WDFY4: variants seen among roughly 807,000 people sequenced by gnomAD.
WDFY4 encodes the protein WDFY family member 4, also known as WD repeat- and FYVE domain-containing protein 4.
In WDFY4, 169 loss-of-function variants were observed where a neutral mutation model predicts 351.9. That is an observed-to-expected ratio of 0.48 (90% confidence interval 0.42 to 0.55). The LOEUF is 0.55. Among genes scored for constraint, WDFY4 ranks in the 20% least tolerant of loss-of-function variants. The pLI, the probability that WDFY4 is intolerant of heterozygous loss-of-function variation, is 0.00. For missense variants in WDFY4, 3,803 were observed against 3,935.6 expected, an observed-to-expected ratio of 0.97 and a Z score of 0.90; for synonymous variants, 1,622 against 1,574.6, an observed-to-expected ratio of 1.03 and a Z score of -0.71.
chr10:48,774,739 C>T, intron 14 of WDFY4, 67 bp downstream of exon 14: 3 of 1,523,276 alleles, frequency 2.0e-6, no homozygotes, highest in South Asian at 1.2e-5. Context: ...GCAGGGGTTG[C>T]ACAATGGGCA....
intron 61 of WDFY4, 40 bp downstream of exon 61, chr10:48,981,518 C>T (rs1257044754): frequency 2.6e-6 from 4 of 1,536,718 alleles, no homozygotes; most frequent in South Asian, 1.2e-5. Context: ...CAGCAGAGGG[C>T]ACTGCAGCCA....
At chr10:48,733,560 C>T (rs2064541235) in intron 9 of WDFY4, among the ~76,000 whole-genome samples, 1 of 152,226 alleles carries the variant, frequency 6.6e-6, no homozygotes, top group Non-Finnish European at 1.5e-5. Context: ...CTCTGTGTAT[C>T]ATCTGGGGCA....
chr10:48,804,611 A>T, intron 25 of WDFY4: 2 of 526,012 alleles, frequency 3.8e-6, no homozygotes, highest in Non-Finnish European at 4.9e-6. Flanking sequence ...ATCTGCCCAA[A>T]GTCACCCTCC....
chr10:48,692,691 A>T (rs1401805806), intron 1 of WDFY4, among the ~76,000 whole-genome samples: 1 of 152,198 alleles, frequency 6.6e-6, no homozygotes, highest in African/African-American at 2.4e-5. Context: ...TTGGGAATTA[A>T]TGCAGGCCAA....
At chr10:48,928,864 G>T (rs1839808855) in intron 47 of WDFY4, among the ~76,000 whole-genome samples, 1 of 152,222 alleles carries the variant, frequency 6.6e-6, no homozygotes, top group Non-Finnish European at 1.5e-5. Context: ...GCCCTTTGAA[G>T]TCATTCACTC....
intron 1 of WDFY4, among the ~76,000 whole-genome samples, chr10:48,709,003 C>T (rs1281311860): frequency 7.5e-6 from 1 of 133,424 alleles, no homozygotes; most frequent in Non-Finnish European, 1.6e-5. Context: ...AACAAACAAA[C>T]AACACCCCCC....
At chr10:48,887,554 G>A (rs1218935370) in intron 43 of WDFY4, among the ~76,000 whole-genome samples, 2 of 152,134 alleles carry the variant, frequency 1.3e-5, no homozygotes, top group Admixed American at 6.5e-5. Context: ...CAAGACGGGC[G>A]GATCACGAGG....
At chr10:48,708,730 C>A (rs1400264011) in intron 1 of WDFY4, among the ~76,000 whole-genome samples, 1 of 152,176 alleles carries the variant, frequency 6.6e-6, no homozygotes, top group African/African-American at 2.4e-5. Context: ...AGGTTCCCAA[C>A]TTGCAAACAC....
intron 56 of WDFY4, among the ~76,000 whole-genome samples, chr10:48,969,661 G>A (rs531161734): frequency 3.3e-5 from 5 of 152,194 alleles, no homozygotes; most frequent in Admixed American, 6.5e-5. Flanking sequence ...CCCAGCCCCC[G>A]TGTAGGCCAT....
At chr10:48,782,980 C>T (rs1332711197) in intron 19 of WDFY4, among the ~76,000 whole-genome samples, 2 of 152,100 alleles carry the variant, frequency 1.3e-5, no homozygotes, top group Non-Finnish European at 2.9e-5. Flanking sequence ...CCTGCGAGAA[C>T]AGAGAGATAA....
In WDFY4 at chr10:48,783,007, A is replaced by T. The variant is rs533226996; in HGVS notation, c.3576+2888A>T. ...GAGAGATAAGAGAGCACAGAAAATC[A>T]TACTCCTGGCAAGCCTTGATGGCTG... On this transcript the variant is annotated intron_variant, in intron 19 of 61. Coordinates refer to ENST00000325239, the MANE Select transcript of WDFY4 (RefSeq NM_001394531.1). 5.3e-4 allele frequency among the ~76,000 whole-genome samples: 80 copies of T among 152,274 alleles called. 1 individual carries two copies. The highest frequency in any genetic ancestry group is 3.9e-3 in the Admixed American group (60 of 15,296).
intron 47 of WDFY4, among the ~76,000 whole-genome samples, chr10:48,917,508 C>T (rs184695025): frequency 5.9e-5 from 9 of 152,294 alleles, no homozygotes; most frequent in Admixed American, 3.9e-4. Flanking sequence ...AGAACAATGA[C>T]GTATCACCCA....
In WDFY4 at chr10:48,969,260, G is replaced by GC. The variant is rs1296565998; in HGVS notation, c.8769+13dup. Reference sequence around the variant, plus strand: ...ACGGCTCCGACAAGGTGAGGGGGCTGCAGGGAGCAGGGGCAGCCTCAGGAC... The same window carrying GC: ...ACGGCTCCGACAAGGTGAGGGGGCTGCCAGGGAGCAGGGGCAGCCTCAGGAC... On this transcript the variant is annotated intron_variant, in intron 56 of 61. Transcript: ENST00000325239. 25 of 1,550,376 alleles carry GC rather than the reference G, an allele frequency of 1.6e-5. No individual in the cohort carries two copies. In the East Asian group the frequency reaches 5.9e-4, roughly 36 times the overall value.
At chr10:48,953,602 T>C (rs1589984071) in intron 51 of WDFY4, among the ~76,000 whole-genome samples, 2 of 152,316 alleles carry the variant, frequency 1.3e-5, no homozygotes, top group Admixed American at 1.3e-4. Context: ...GTGAGTTGTT[T>C]GCATGGGTAC....
intron 1 of WDFY4, among the ~76,000 whole-genome samples, chr10:48,690,659 A>T (rs1465637063): frequency 6.6e-6 from 1 of 152,084 alleles, no homozygotes; most frequent in African/African-American, 2.4e-5. Flanking sequence ...CTCAGCAGAG[A>T]GGAGGCCCTG....
At chr10:48,796,276 T>C in intron 23 of WDFY4, 22 bp from the exon 24 acceptor site, 1 of 1,544,240 alleles carries the variant, frequency 6.5e-7, no homozygotes, top group Non-Finnish European at 8.8e-7. Context: ...ATGAGGAAAC[T>C]GCTTTGTGTT....
At chr10:48,771,715 T>A (rs1175274048) in intron 13 of WDFY4, among the ~76,000 whole-genome samples, 2 of 152,244 alleles carry the variant, frequency 1.3e-5, no homozygotes, top group Non-Finnish European at 2.9e-5. Flanking sequence ...TGGGACAATG[T>A]GTCTGCCCAC....
intron 39 of WDFY4, among the ~76,000 whole-genome samples, chr10:48,847,437 GA>G (rs1304208587): frequency 6.6e-6 from 1 of 152,208 alleles, no homozygotes; most frequent in Admixed American, 6.5e-5. Flanking sequence ...CATATTCAGG[GA>G]AAGATGTTTG....
At chr10:48,839,196 G>T (rs116058253) in intron 39 of WDFY4, among the ~76,000 whole-genome samples, 1,621 of 152,336 alleles carry the variant, frequency 0.011, 27 homozygotes, top group African/African-American at 0.037. Context: ...GGTTTGGAAT[G>T]CAGGGGAAGT....
Sources: allele counts gnomAD v4.1 joint callset (sites outside exome capture counted in the v4.1 genomes callset), GRCh38; gene constraint gnomAD v4.1.1; transcripts MANE v1.5; gene names NCBI Gene and HGNC (gene_info 2026-07-23, HGNC 2026-07-21).